Variants in PAPSS1 observed in about 807,000 individuals in gnomAD.
The protein encoded by PAPSS1 is 3'-phosphoadenosine 5'-phosphosulfate synthase 1, also known as bifunctional 3'-phosphoadenosine 5'-phosphosulfate synthase 1.
PAPSS1 carries 50 observed loss-of-function variants against 72.0 expected under a neutral mutation model. The ratio of observed to expected loss-of-function variants is 0.69; its 90% CI spans 0.55 to 0.88. PAPSS1 has a LOEUF of 0.88. PAPSS1 is among the 40% of genes least tolerant of loss of function. The pLI is 0.00. For missense variants in PAPSS1, 657 were observed against 782.2 expected (o/e 0.84, Z 1.91); for synonymous variants, 261 against 263.6 (o/e 0.99, Z 0.09).
At chr4:107,668,042 C>T (rs1229403557) in intron 5 of PAPSS1, among the ~76,000 whole-genome samples, 1 of 152,244 alleles carries the variant, frequency 6.6e-6, no homozygotes, top group Non-Finnish European at 1.5e-5. Flanking sequence ...TAGGGAACAA[C>T]TGATCAAGGA....
At chr4:107,643,261 C>G (rs1366423013) in intron 10 of PAPSS1, among the ~76,000 whole-genome samples, 1 of 152,198 alleles carries the variant, frequency 6.6e-6, no homozygotes, top group Non-Finnish European at 1.5e-5. Flanking sequence ...AAGAAGGGAG[C>G]GGGCTCTCCA....
At chr4:107,687,914 A>G (rs893826184) in intron 3 of PAPSS1, among the ~76,000 whole-genome samples, 2 of 151,086 alleles carry the variant, frequency 1.3e-5, no homozygotes, top group African/African-American at 4.9e-5. Context: ...CATCTTCCTT[A>G]TGGTCCCTCT....
At position 107,701,274 on chromosome 4, in the gene PAPSS1, T is replaced by G. The variant is rs1469541609; in HGVS notation, c.72A>C (p.Arg24Ser). Residue 24 changes from arginine to serine, a missense_variant, in exon 2 of 12, where the codon AGA (arginine) becomes AGC (serine). Transcript: ENST00000265174. The stretch of plus-strand genomic sequence containing the variant: ...GGGCTTGGTAGGTGACATTGGTTGC[T>G]CTCTGCATTCCCTAGAAAAAAAAGA... ...SNNAQNWGMQ[R>S]ATNVTYQAHH... 2 of 1,611,504 alleles carry G rather than the reference T, an allele frequency of 1.2e-6. No homozygotes were observed. Among genetic ancestry groups the G allele is most frequent in the Non-Finnish European group, 1.7e-6 (2 of 1,178,360 alleles).
At chr4:107,628,216 G>A (rs1726147702) in intron 11 of PAPSS1, among the ~76,000 whole-genome samples, 1 of 152,132 alleles carries the variant, frequency 6.6e-6, no homozygotes. Context: ...CTAAAAGTAT[G>A]CATTGTCTCC....
intron 11 of PAPSS1, among the ~76,000 whole-genome samples, chr4:107,629,594 T>TG (rs1252604048): frequency 6.6e-6 from 1 of 152,188 alleles, no homozygotes; most frequent in African/African-American, 2.4e-5. Context: ...ATCAAGATCC[T>TG]GGTAAGAACT....
At chr4:107,679,885 T>C (rs1727757152) in intron 5 of PAPSS1, among the ~76,000 whole-genome samples, 1 of 151,638 alleles carries the variant, frequency 6.6e-6, no homozygotes, top group South Asian at 2.1e-4. Context: ...GAAAAATGAA[T>C]ACTATCAAAA....
intron 11 of PAPSS1, among the ~76,000 whole-genome samples, chr4:107,616,654 A>T (rs1162074869): frequency 6.6e-6 from 1 of 152,194 alleles, no homozygotes; most frequent in Admixed American, 6.5e-5. Flanking sequence ...AGCTTTACTG[A>T]ATACTGTGGT....
At chr4:107,671,578 T>TG (rs1332203245) in intron 5 of PAPSS1, among the ~76,000 whole-genome samples, 2 of 152,122 alleles carry the variant, frequency 1.3e-5, no homozygotes, top group Non-Finnish European at 2.9e-5. Flanking sequence ...AAAACACTTA[T>TG]GAATCACTAA....
intron 5 of PAPSS1, among the ~76,000 whole-genome samples, chr4:107,673,430 C>A (rs1358156175): frequency 6.6e-6 from 1 of 151,924 alleles, no homozygotes; most frequent in African/African-American, 2.4e-5. Context: ...GCCTCAGTAG[C>A]CGATTCGATC....
chr4:107,707,491 T>C (rs1723368168), intron 1 of PAPSS1, among the ~76,000 whole-genome samples: 1 of 152,196 alleles, frequency 6.6e-6, no homozygotes, highest in Non-Finnish European at 1.5e-5. Flanking sequence ...TCCTGGAGTC[T>C]GGGGCTACGG....
At chr4:107,632,511 T>A (rs1578386343) in intron 10 of PAPSS1, among the ~76,000 whole-genome samples, 1 of 148,076 alleles carries the variant, frequency 6.8e-6, no homozygotes, top group East Asian at 2.0e-4. Context: ...TAATACTAGT[T>A]AAAAAAAAAA....
intron 5 of PAPSS1, among the ~76,000 whole-genome samples, chr4:107,674,313 G>C (rs1180274793): frequency 6.6e-6 from 1 of 152,088 alleles, no homozygotes; most frequent in Admixed American, 6.5e-5. Context: ...GACACACATA[G>C]GCTCAAATAA....
At chr4:107,649,223 G>A (rs1726776913) in intron 9 of PAPSS1, among the ~76,000 whole-genome samples, 1 of 152,234 alleles carries the variant, frequency 6.6e-6, no homozygotes, top group South Asian at 2.1e-4. Context: ...ACCAGAGGAT[G>A]GACGGAGAAA....
At chr4:107,637,755 G>A (rs1277709223) in intron 10 of PAPSS1, among the ~76,000 whole-genome samples, 1 of 152,060 alleles carries the variant, frequency 6.6e-6, no homozygotes, top group Non-Finnish European at 1.5e-5. Flanking sequence ...TATTTTTTTA[G>A]TAAATGTTTG....
At position 107,621,787 on chromosome 4, in the gene PAPSS1, AT is replaced by A. The variant is rs1324999688; in HGVS notation, c.1737-7401del. Among the ~76,000 whole-genome samples the A allele has an allele frequency of 5.9e-3, 872 of 146,732 alleles. 9 individuals are homozygous for A. The highest frequency in any genetic ancestry group is 0.021 in the African/African-American group (826 of 40,104). The stretch of plus-strand genomic sequence containing the variant: ...AGGTGCCTGCCACCACGCCTGGCTA[AT>A]TTTTTTTTTGTATTTTTTTTTAGTA... On this transcript the variant is annotated intron_variant, in intron 11 of 11. Coordinates refer to ENST00000265174, the MANE Select transcript of PAPSS1 (RefSeq NM_005443.5).
At chr4:107,704,553 C>G (rs1723287041) in intron 1 of PAPSS1, among the ~76,000 whole-genome samples, 2 of 152,176 alleles carry the variant, frequency 1.3e-5, no homozygotes, top group South Asian at 4.1e-4. Context: ...GAGTTTTTAT[C>G]ATAAAAGGTT....
Position 107,653,620 on chromosome 4 carries a change from T to A in PAPSS1, c.1108A>T (p.Met370Leu), listed in dbSNP as rs746404909. 6.2e-7 allele frequency: 1 copy of A among 1,610,044 alleles called. No homozygotes were observed. Among genetic ancestry groups the A allele is most frequent in the Non-Finnish European group, 8.5e-7 (1 of 1,178,850 alleles). ...CCAATCAGCCAATCTCCTTGTTCCA[T>A]CACCATCTAATAGGAAAAACAAATT... ...CKNHPYIKMVMEQGDWLIGGD... is the reference protein window; with the variant it reads ...CKNHPYIKMVLEQGDWLIGGD... Residue 370 changes from methionine (M) to leucine (L), a missense_variant, in exon 9 of 12, where the codon ATG (methionine) becomes TTG (leucine). Around this residue, in one of 7 missense-constraint regions of PAPSS1, gnomAD observed 190 missense variants for 176.7 expected, o/e 1.07. Transcript: ENST00000265174.
At chr4:107,616,377 C>T (rs578193028) in intron 11 of PAPSS1, among the ~76,000 whole-genome samples, 2 of 152,148 alleles carry the variant, frequency 1.3e-5, no homozygotes, top group East Asian at 3.9e-4. Context: ...GGCCTCATAA[C>T]AATTATAATG....
intron 1 of PAPSS1, among the ~76,000 whole-genome samples, chr4:107,717,197 T>C (rs577739775): frequency 3.3e-5 from 5 of 152,310 alleles, no homozygotes; most frequent in South Asian, 4.1e-4. Flanking sequence ...AGGTTAAATA[T>C]ATTATTGAAA....
Sources: allele counts gnomAD v4.1 joint callset (sites outside exome capture counted in the v4.1 genomes callset), GRCh38; gene constraint gnomAD v4.1.1; regional missense constraint gnomAD v4.1.1; transcripts MANE v1.5; gene names NCBI Gene and HGNC (gene_info 2026-07-23, HGNC 2026-07-21).